Variants in PCNT observed in about 807,000 individuals in gnomAD.
PCNT encodes the protein pericentrin.
PCNT carries 319 observed loss-of-function variants against 380.4 expected under a neutral mutation model. The ratio of observed to expected loss-of-function variants is 0.84; its 90% CI spans 0.77 to 0.92. The LOEUF (loss-of-function observed/expected upper bound fraction) is 0.92. Among genes scored for constraint, PCNT ranks in the 40% least tolerant of loss-of-function variants. The probability of loss-of-function intolerance (pLI) is 0.00; values close to 1 mark genes in which losing one functional copy is unlikely to be tolerated. For synonymous variants in PCNT, 1,845 were observed against 1,735.2 expected (o/e 1.06, Z -1.57); for missense variants, 4,400 against 4,255.3 (o/e 1.03, Z -0.95).
chr21:46,444,880 T>A (rs968249787), intron 46 of PCNT, 59 bp downstream of exon 46: 1 of 1,528,224 alleles, frequency 6.5e-7, no homozygotes, highest in African/African-American at 1.4e-5. Context: ...CCTGGAAACG[T>A]AGGGTCTGTT....
chr21:46,347,537 C>A (rs2084112588), intron 6 of PCNT, 25 bp downstream of exon 6: 1 of 1,609,520 alleles, frequency 6.2e-7, no homozygotes, highest in Non-Finnish European at 8.5e-7. Flanking sequence ...TTCTAAAATG[C>A]ACGCCTCTGT....
intron 12 of PCNT, among the ~76,000 whole-genome samples, chr21:46,355,846 C>T (rs1203879371): frequency 1.3e-5 from 2 of 152,152 alleles, no homozygotes; most frequent in Non-Finnish European, 2.9e-5. Context: ...CCTGGGCCAG[C>T]GCCCCAGCAG....
At chr21:46,375,397 C>T (rs1473460264) in intron 15 of PCNT, among the ~76,000 whole-genome samples, 1 of 152,208 alleles carries the variant, frequency 6.6e-6, no homozygotes, top group Non-Finnish European at 1.5e-5. Flanking sequence ...CATTGGTATT[C>T]TCTGTGCATG....
At chr21:46,366,343 C>T (rs186524663) in intron 14 of PCNT, among the ~76,000 whole-genome samples, 1 of 152,284 alleles carries the variant, frequency 6.6e-6, no homozygotes, top group Non-Finnish European at 1.5e-5. Flanking sequence ...GGTCTGTGAC[C>T]TGGCGACTCC....
intron 15 of PCNT, among the ~76,000 whole-genome samples, chr21:46,375,531 T>C (rs770486789): frequency 2.0e-5 from 3 of 152,242 alleles, no homozygotes; most frequent in Non-Finnish European, 2.9e-5. Context: ...TAGAAGAACA[T>C]GGTCAATTTA....
Position 46,363,842 on chromosome 21 carries a change from T to C in PCNT, c.2517T>C (p.Cys839=). The change falls in exon 14 of 47, where the codon TGT becomes TGC. Residue 839 remains cysteine, a synonymous_variant. Transcript: ENST00000359568. ...ACGACGCCCTGCATTGCAGCCAGTG[T>C]GGGCGGGAGCCGCCCACAGCCCAGG... ...TSDDALHCSQ[C]GREPPTAQDG... 6.2e-7 allele frequency: 1 copy of C among 1,612,136 alleles called. No homozygotes were observed. The highest frequency in any genetic ancestry group is 8.5e-7 in the Non-Finnish European group (1 of 1,179,172).
intron 31 of PCNT, among the ~76,000 whole-genome samples, chr21:46,419,814 C>G (rs2087172814): frequency 6.6e-6 from 1 of 152,142 alleles, no homozygotes; most frequent in African/African-American, 2.4e-5. Flanking sequence ...AGTCTCGACT[C>G]ACTGCAGCCT....
In PCNT at chr21:46,432,171, G is replaced by A. The variant is rs35147998; in HGVS notation, c.8707G>A (p.Ala2903Thr). 114,118 of 1,613,078 alleles carry A rather than the reference G, an allele frequency of 0.071. 4,377 individuals carry two copies. Among genetic ancestry groups the A allele is most frequent in the Non-Finnish European group, 0.08 (93,998 of 1,179,786 alleles). Residue 2903 changes from alanine to threonine, a missense_variant, in exon 38 of 47, where the codon GCT (alanine) becomes ACT (threonine). By Grantham distance (58) the Ala-to-Thr change is moderately conservative (BLOSUM62 0). Coordinates refer to ENST00000359568, the MANE Select transcript of PCNT (RefSeq NM_006031.6). ...RSAEARQSPA[A>T]AEQWRKWQRD... ...CGCGGAGGCCAGGCAGAGCCCAGCG[G>A]CTGCGGAGCAGTGGAGGAAGTGGCA...
chr21:46,394,628 C>G (rs1252636913), intron 21 of PCNT: 1 of 425,642 alleles, frequency 2.3e-6, no homozygotes, highest in Non-Finnish European at 3.1e-6. Context: ...GTACTTCAGA[C>G]CTTTTGTGGC....
intron 2 of PCNT, among the ~76,000 whole-genome samples, chr21:46,328,238 G>A (rs552012864): frequency 5.8e-4 from 84 of 145,322 alleles, no homozygotes; most frequent in Admixed American, 9.3e-4. Flanking sequence ...AGTGTTTTTG[G>A]TTGTTGGGTT....
chr21:46,359,480 G>GTTGTTTTTTTTTTTTTTTTTTT (rs2084609442), intron 13 of PCNT, among the ~76,000 whole-genome samples: 1 of 65,732 alleles, frequency 1.5e-5, no homozygotes, highest in Non-Finnish European at 3.4e-5. Flanking sequence ...AAATACACCT[G>GTTGTTTTTTTTTTTTTTTTTTT]TTTTTTTTTT....
chr21:46,359,192 A>T (rs955458445), intron 13 of PCNT, among the ~76,000 whole-genome samples: 2 of 151,508 alleles, frequency 1.3e-5, no homozygotes, highest in African/African-American at 4.8e-5. Context: ...ATCTCAAGTG[A>T]TCTGCCCGCC....
chr21:46,416,353 G>A lies in PCNT; in HGVS notation c.6435G>A (p.Gln2145=), dbSNP rs1471824667. 2 of 1,614,066 alleles carry A rather than the reference G, an allele frequency of 1.2e-6. No individual in the cohort carries two copies. Among genetic ancestry groups the A allele is most frequent in the Admixed American group, 1.7e-5 (1 of 60,020 alleles). Residue 2145 remains glutamine (Q), a synonymous_variant, in exon 30 of 47, where the codon CAG becomes CAA. Coordinates refer to ENST00000359568, the MANE Select transcript of PCNT (RefSeq NM_006031.6). The part of the protein sequence containing the change: ...TGGVTDVIKN[Q]AIDACDANTT... ...GTGTAACTGATGTTATCAAAAATCAGGCCATAGACGCGTGTGATGCCAATA... is the reference window on the plus strand; with the variant it reads ...GTGTAACTGATGTTATCAAAAATCAAGCCATAGACGCGTGTGATGCCAATA...
chr21:46,400,480 AGAG>A (rs34115769), intron 25 of PCNT, among the ~76,000 whole-genome samples: 17,946 of 148,148 alleles, frequency 0.12, 1,197 homozygotes, highest in South Asian at 0.22. Context: ...GACACAGATG[AGAG>A]GAGGAGTCTT....
At chr21:46,408,333 G>A (rs532945099) in intron 27 of PCNT, among the ~76,000 whole-genome samples, 30 of 152,294 alleles carry the variant, frequency 2.0e-4, no homozygotes, top group African/African-American at 6.0e-4. Flanking sequence ...CTAGGTTTTG[G>A]CAGTGATGAA....
At position 46,431,475 on chromosome 21, in the gene PCNT, T is replaced by C. The variant is rs1023393312; in HGVS notation, c.8065-54T>C. The C allele has an allele frequency of 2.5e-6, 4 of 1,613,306 alleles. No homozygotes were observed. The Admixed American group carries it at 5.0e-5, about 20-fold the overall frequency. ...AACAAATGTGGACAGGAAAACCATG[T>C]AGACACTTTTCCTCTTGATTCAGTG... On this transcript the variant is annotated intron_variant, in intron 37 of 46. Transcript: ENST00000359568.
chr21:46,325,990 G>A (rs766576438), intron 1 of PCNT, among the ~76,000 whole-genome samples: 6 of 152,148 alleles, frequency 3.9e-5, no homozygotes, highest in Admixed American at 6.5e-5. Context: ...CTTCAGTTGG[G>A]GGAAAATTGG....
rs760395046 is a variant in PCNT at position 46,444,682 on chromosome 21, ATTTG to A, written c.9840-7_9840-4del. On this transcript the variant is annotated splice_polypyrimidine_tract_variant and splice_region_variant and intron_variant, in intron 45 of 46. Coordinates refer to ENST00000359568, the MANE Select transcript of PCNT (RefSeq NM_006031.6). The stretch of plus-strand genomic sequence containing the variant: ...TTTTTTTTCTTCTCTTGGTGTGGTA[ATTTG>A]TTTGAAGAGCCACTCCATCCCCAAA... 4 of 1,582,698 alleles carry A rather than the reference ATTTG, an allele frequency of 2.5e-6. No individual in the cohort carries two copies. Among genetic ancestry groups the A allele is most frequent in the Non-Finnish European group, 2.6e-6 (3 of 1,165,236 alleles).
rs1601843957 is a variant in PCNT at position 46,363,517 on chromosome 21, T to C, written c.2192T>C (p.Leu731Pro). 6.2e-7 allele frequency: 1 copy of C among 1,613,828 alleles called. No homozygotes were observed. The change falls in exon 14 of 47, where the codon CTA becomes CCA. Residue 731 changes from leucine (L) to proline (P), a missense_variant. By Grantham distance (98) the Leu-to-Pro change is moderately conservative (BLOSUM62 -3). Coordinates refer to ENST00000359568, the MANE Select transcript of PCNT (RefSeq NM_006031.6). Reference protein sequence around the residue: ...HNLIEDHQKELNNAKQKTELM... With the variant: ...HNLIEDHQKEPNNAKQKTELM... ...CTAATTGAAGACCACCAGAAGGAACTAAATAATGCTAAGCAAAAGACTGAG... is the reference window on the plus strand; with the variant it reads ...CTAATTGAAGACCACCAGAAGGAACCAAATAATGCTAAGCAAAAGACTGAG...
Sources: gnomAD v4.1 joint callset for allele counts (sites outside exome capture counted in the v4.1 genomes callset) on GRCh38, gnomAD v4.1.1 for gene constraint, MANE v1.5 for transcripts, NCBI Gene and HGNC (gene_info 2026-07-23, HGNC 2026-07-21) for gene names.